Variants in PCDHGA5 observed in about 807,000 individuals in gnomAD.
The protein encoded by PCDHGA5 is protocadherin gamma subfamily A, 5, also known as protocadherin gamma-A5.
PCDHGA5 carries 36 observed loss-of-function variants against 56.7 expected under a neutral mutation model. That is an observed-to-expected ratio of 0.64 (90% CI 0.49 to 0.84). The LOEUF (loss-of-function observed/expected upper bound fraction) is 0.84. Ranked by LOEUF, PCDHGA5 falls within the 40% of genes least tolerant of loss-of-function variation. PCDHGA5 has a pLI of 0.00. For missense variants in PCDHGA5, 1,305 were observed against 1,201.5 expected (o/e 1.09, Z -1.27); for synonymous variants, 563 against 520.2 (o/e 1.08, Z -1.12).
intron 1 of PCDHGA5, chr5:141,429,222 T>C (rs897099159): frequency 6.6e-6 from 1 of 151,494 alleles, no homozygotes; most frequent in Non-Finnish European, 1.5e-5. Context: ...AAAGTGGGTA[T>C]TATGATACTG....
At chr5:141,379,014 T>G (rs1440666109) in intron 1 of PCDHGA5, 1 of 152,222 alleles carries the variant, frequency 6.6e-6, no homozygotes, top group East Asian at 1.9e-4. Flanking sequence ...TCTCCAGTCA[T>G]GAGTTGGAAG....
At chr5:141,420,432 T>C in intron 1 of PCDHGA5, 2 of 1,149,120 alleles carry the variant, frequency 1.7e-6, no homozygotes, top group Non-Finnish European at 2.3e-6. Flanking sequence ...AAAGTTTAAA[T>C]TAAATGCCTC....
intron 1 of PCDHGA5, chr5:141,370,410 G>T (rs1294033268): frequency 6.4e-7 from 1 of 1,565,276 alleles, no homozygotes; most frequent in Non-Finnish European, 8.6e-7. Context: ...AAATAGCTCC[G>T]GATGGAGGGG....
intron 1 of PCDHGA5, among the ~76,000 whole-genome samples, chr5:141,369,456 C>T (rs920730246): frequency 5.3e-5 from 8 of 152,070 alleles, no homozygotes; most frequent in Non-Finnish European, 8.8e-5. Flanking sequence ...TGCTTAAAGC[C>T]AGGTGTTCTA....
chr5:141,403,248 G>A lies in PCDHGA5; in HGVS notation c.2421+36497G>A, dbSNP rs778873368. 3.1e-6 allele frequency: 5 copies of A among 1,613,928 alleles called. No homozygotes were observed. The Admixed American group carries it at 6.7e-5, about 22-fold the overall frequency. On this transcript the variant is annotated intron_variant, in intron 1 of 3. Transcript: ENST00000518069. ...GACCGGGAGGAGCTCTGTGCTCAGA[G>A]CCCGCGGTGTCTGGTGAACTTTAAA...
At chr5:141,410,047 A>G in intron 1 of PCDHGA5, 1 of 1,612,420 alleles carries the variant, frequency 6.2e-7, no homozygotes. Flanking sequence ...GTGAGCCCGG[A>G]CTCTTCAGCC....
chr5:141,379,889 C>CTTTT lies in PCDHGA5; in HGVS notation c.2421+13165_2421+13168dup, dbSNP rs70988800. ...CTTATTTTATGGTCTGTGAAAGCCT[C>CTTTT]TTTTTTTTTTTTTTTTTTTTTTTTT... is the stretch of plus-strand genomic sequence containing the variant. On this transcript the variant is annotated intron_variant, in intron 1 of 3. Transcript: ENST00000518069. Among the ~76,000 whole-genome samples, 383 of 50,836 alleles carry CTTTT rather than the reference C, an allele frequency of 7.5e-3. 64 individuals are homozygous for CTTTT. The highest frequency in any genetic ancestry group is 9.2e-3 in the Non-Finnish European group (239 of 25,888). 33.4% of individuals were successfully genotyped at this position (50,836 alleles called of 152,430 possible). A position where few individuals can be genotyped will look rare whatever the true frequency, so the allele number is the denominator to read the frequency against.
chr5:141,375,510 C>T, intron 1 of PCDHGA5: 1 of 1,614,034 alleles, frequency 6.2e-7, no homozygotes, highest in Non-Finnish European at 8.5e-7. Context: ...TCTGTGAATG[C>T]ACTGGACCCT....
chr5:141,476,309 A>G lies in PCDHGA5; in HGVS notation c.2422-18498A>G. ...GGATCTCGGTAGCCTCTCAGCCCGC[A>G]GGTTCCGGGTGGTGTCTGGAGCTAG... On this transcript the variant is annotated intron_variant, in intron 1 of 3. Transcript: ENST00000518069. The surrounding 1 kb of genome is among the most constrained non-coding windows in gnomAD (Gnocchi z 7.6). The G allele has an allele frequency of 6.2e-7, 1 of 1,613,966 alleles. No homozygotes were observed. Among genetic ancestry groups the G allele is most frequent in the Non-Finnish European group, 8.5e-7 (1 of 1,179,988 alleles).
chr5:141,364,607 G>C lies in PCDHGA5; in HGVS notation c.277G>C (p.Glu93Gln), dbSNP rs775025025. 1.9e-6 allele frequency: 3 copies of C among 1,614,080 alleles called. No homozygotes were observed. Among genetic ancestry groups the C allele is most frequent in the African/African-American group, 2.7e-5 (2 of 74,964 alleles). Reference sequence around the variant, plus strand: ...GGTCACCGCGGGCAGGATAGACCGGGAGGAGCTCTGCGCTCAGAGCCCACT... The same window carrying C: ...GGTCACCGCGGGCAGGATAGACCGGCAGGAGCTCTGCGCTCAGAGCCCACT... ...SLVTAGRIDR[E>Q]ELCAQSPLCV... The change falls in exon 1 of 4, where the codon GAG becomes CAG. Residue 93 changes from glutamate to glutamine, a missense_variant. Glu to Gln is a conservative substitution (Grantham distance 29). Coordinates refer to ENST00000518069, the MANE Select transcript of PCDHGA5 (RefSeq NM_018918.3).
chr5:141,479,035 C>A (rs2099486361), intron 1 of PCDHGA5, among the ~76,000 whole-genome samples: 1 of 152,104 alleles, frequency 6.6e-6, no homozygotes, highest in Non-Finnish European at 1.5e-5. Context: ...TTATACAGAT[C>A]GTGTACCTCA....
At chr5:141,484,176 A>G (rs1044076131) in intron 1 of PCDHGA5, among the ~76,000 whole-genome samples, 1 of 152,236 alleles carries the variant, frequency 6.6e-6, no homozygotes, top group East Asian at 1.9e-4. Context: ...GCTGATCTCA[A>G]TCATTCAAGG....
chr5:141,415,755 T>G (rs753465209), intron 1 of PCDHGA5: 41 of 1,387,576 alleles, frequency 3.0e-5, no homozygotes, highest in Middle Eastern at 2.6e-4. Flanking sequence ...TTTTTTTTTT[T>G]TTTTTTTTTT....
intron 1 of PCDHGA5, chr5:141,384,838 C>G: frequency 6.2e-7 from 1 of 1,613,540 alleles, no homozygotes; most frequent in Non-Finnish European, 8.5e-7. Flanking sequence ...GGTGGCCGTC[C>G]AGGACCACGG....
intron 1 of PCDHGA5, among the ~76,000 whole-genome samples, chr5:141,464,251 C>T (rs1438610569): frequency 1.4e-5 from 2 of 141,396 alleles, no homozygotes; most frequent in Admixed American, 7.5e-5. Flanking sequence ...GGCTACAGAG[C>T]GAGACTCCGT....
chr5:141,390,170 T>C lies in PCDHGA5; in HGVS notation c.2421+23419T>C, dbSNP rs773539625. 5 of 1,613,940 alleles carry C rather than the reference T, an allele frequency of 3.1e-6. No individual in the cohort carries two copies. In the African/African-American group the frequency reaches 6.7e-5, roughly 22 times the overall value. ...TTGCACATACAGGAAAGACGGAGTTTAATTTCCTAAAATGTAGTGAGCAGT... is the reference window on the plus strand; with the variant it reads ...TTGCACATACAGGAAAGACGGAGTTCAATTTCCTAAAATGTAGTGAGCAGT... On this transcript the variant is annotated intron_variant, in intron 1 of 3. Transcript: ENST00000518069.
chr5:141,489,666 C>A lies in PCDHGA5; in HGVS notation c.2422-5141C>A. On this transcript the variant is annotated intron_variant, in intron 1 of 3. Transcript: ENST00000518069. The surrounding 1 kb of genome is among the most constrained non-coding windows in gnomAD (Gnocchi z 4.5). ...CCACCCCTGAGCGAGAGATGCGCAT[C>A]TCAGAATCAGCAGCATCTGGGGCAC... 1.2e-6 allele frequency: 2 copies of A among 1,614,222 alleles called. No homozygotes were observed. Among genetic ancestry groups the A allele is most frequent in the Non-Finnish European group, 1.7e-6 (2 of 1,180,036 alleles).
chr5:141,432,561 A>C lies in PCDHGA5; in HGVS notation c.2422-62246A>C, dbSNP rs746684751. On this transcript the variant is annotated intron_variant, in intron 1 of 3. Transcript: ENST00000518069. This position sits in a 1 kb window ranked among gnomAD's most constrained non-coding sequence, Gnocchi z 6.0. Reference sequence around the variant, plus strand: ...GCGGTGGACAGAGACTCCGGCCAGAACGCCTGGCTGTCCTACCGTCTGCTC... The same window carrying C: ...GCGGTGGACAGAGACTCCGGCCAGACCGCCTGGCTGTCCTACCGTCTGCTC... 37 of 1,613,308 alleles carry C rather than the reference A, an allele frequency of 2.3e-5. 1 individual carries two copies. The highest frequency in any genetic ancestry group is 2.7e-5 in the African/African-American group (2 of 74,712).
chr5:141,475,572 C>T (rs2099365596), intron 1 of PCDHGA5, among the ~76,000 whole-genome samples: 1 of 152,214 alleles, frequency 6.6e-6, no homozygotes, highest in South Asian at 2.1e-4. Context: ...TTCCAACAAG[C>T]CAGATTTGTT....
Sources: gnomAD v4.1 joint callset for allele counts (sites outside exome capture counted in the v4.1 genomes callset) on GRCh38, gnomAD v4.1.1 for gene constraint, Gnocchi (gnomAD v3.1) non-coding constraint, MANE v1.5 for transcripts, NCBI Gene and HGNC (gene_info 2026-07-23, HGNC 2026-07-21) for gene names.